Variants in PCNX2 observed in about 807,000 individuals in gnomAD.
The protein encoded by PCNX2 is pecanex-like protein 2.
PCNX2 carries 168 observed loss-of-function variants against 223.8 expected under a neutral mutation model. The observed-to-expected ratio is 0.75, with a 90% CI of 0.66 to 0.85. The LOEUF (loss-of-function observed/expected upper bound fraction) is 0.85, where lower values mean the gene tolerates loss of function less well. Ranked by LOEUF, PCNX2 falls within the 40% of genes least tolerant of loss-of-function variation. PCNX2 has a pLI of 0.00. For missense variants in PCNX2, 2,507 were observed against 2,675.5 expected, an observed-to-expected ratio of 0.94 and a Z score of 1.39; for synonymous variants, 1,006 against 1,052.6, an observed-to-expected ratio of 0.96 and a Z score of 0.86.
intron 1 of PCNX2, among the ~76,000 whole-genome samples, chr1:233,275,264 G>A (rs892746938): frequency 6.6e-6 from 1 of 151,628 alleles, no homozygotes; most frequent in Non-Finnish European, 1.5e-5. Flanking sequence ...AGTGCGTGGT[G>A]AGATCTCGGC....
intron 25 of PCNX2, among the ~76,000 whole-genome samples, chr1:233,029,335 C>G (rs1196717499): frequency 6.6e-6 from 1 of 152,142 alleles, no homozygotes; most frequent in Non-Finnish European, 1.5e-5. Flanking sequence ...TATTTATCCT[C>G]TCATGTTATT....
intron 28 of PCNX2, among the ~76,000 whole-genome samples, chr1:233,006,313 G>A (rs1197613466): frequency 1.3e-5 from 2 of 152,208 alleles, no homozygotes; most frequent in African/African-American, 4.8e-5. Flanking sequence ...CCCATCACTT[G>A]CTGTCCTTCT....
chr1:233,116,739 GC>G (rs1392227167), intron 21 of PCNX2, among the ~76,000 whole-genome samples: 2 of 151,628 alleles, frequency 1.3e-5, no homozygotes, highest in Non-Finnish European at 2.9e-5. Flanking sequence ...CACCTCAAGA[GC>G]CCCCCCAAAA....
At chr1:233,138,937 G>A (rs1268566125) in intron 20 of PCNX2, among the ~76,000 whole-genome samples, 1 of 152,188 alleles carries the variant, frequency 6.6e-6, no homozygotes, top group East Asian at 1.9e-4. Context: ...CACCCTGAAA[G>A]GAAGAGCAGG....
intron 19 of PCNX2, among the ~76,000 whole-genome samples, chr1:233,159,180 G>A (rs1036272836): frequency 7.9e-5 from 12 of 152,174 alleles, no homozygotes; most frequent in South Asian, 4.2e-4. Context: ...GCAGCCCGAC[G>A]AGGCCATCTT....
the PCNX2 span, among the ~76,000 whole-genome samples, chr1:233,303,300 G>C: frequency 5.9e-5 from 9 of 152,272 alleles, no homozygotes; most frequent in Non-Finnish European, 1.2e-4. Flanking sequence ...GATTGTTTGA[G>C]CTCAGGAGTT....
At chr1:233,012,767 G>T (rs3753423) in intron 28 of PCNX2, among the ~76,000 whole-genome samples, 26,593 of 152,130 alleles carry the variant, frequency 0.17, 3,006 homozygotes, top group African/African-American at 0.32. Context: ...GACTGAAAAA[G>T]CTTTTGAAAA....
chr1:233,211,482 T>C (rs995369668), intron 12 of PCNX2, among the ~76,000 whole-genome samples: 1 of 152,166 alleles, frequency 6.6e-6, no homozygotes, highest in African/African-American at 2.4e-5. Context: ...CAGCTAATGT[T>C]TGTCTGGCCT....
rs144741080 is a variant in PCNX2 at position 233,222,918 on chromosome 1, T to C, written c.2504+4308A>G. Reference sequence around the variant, plus strand: ...TCAATTTGGTAGTTAGATATGCAAGTCTGGAATTCAGGAGATGAGTCCAAG... The same window carrying C: ...TCAATTTGGTAGTTAGATATGCAAGCCTGGAATTCAGGAGATGAGTCCAAG... On this transcript the variant is annotated intron_variant, in intron 10 of 33. Coordinates refer to ENST00000258229, the MANE Select transcript of PCNX2 (RefSeq NM_014801.4). Among the ~76,000 whole-genome samples, 6 of 152,252 alleles carry C rather than the reference T, an allele frequency of 3.9e-5. No homozygotes were observed. In the East Asian group the frequency reaches 1.2e-3, roughly 29 times the overall value.
chr1:233,201,780 CA>C (rs1204077684), intron 13 of PCNX2: 1 of 153,044 alleles, frequency 6.5e-6, no homozygotes, highest in Non-Finnish European at 1.5e-5. Context: ...TTTGGTAAAT[CA>C]AGGATAAAGA....
In PCNX2 at chr1:233,252,710, G is replaced by T; in HGVS notation, c.1913C>A (p.Pro638Gln). ...AGTATGGTCTTGACTTTGCAAATCT[G>T]GTTTTCCTTGCTTAGAACTGTGTCC... The part of the protein sequence containing the change: ...PSGHSSKQGK[P>Q]DLQSQDHTST... Residue 638 changes from proline (P) to glutamine (Q), a missense_variant, in exon 6 of 34, where the codon CCA (proline) becomes CAA (glutamine). Coordinates refer to ENST00000258229, the MANE Select transcript of PCNX2 (RefSeq NM_014801.4). 6.2e-7 allele frequency: 1 copy of T among 1,613,778 alleles called. No individual in the cohort carries two copies. The highest frequency in any genetic ancestry group is 8.5e-7 in the Non-Finnish European group (1 of 1,179,826).
chr1:233,032,183 A>G, intron 25 of PCNX2: 1 of 540,818 alleles, frequency 1.8e-6, no homozygotes, highest in Non-Finnish European at 2.4e-6. Context: ...GCTTACCACA[A>G]CCTCCGCCTC....
chr1:233,178,962 C>T, intron 16 of PCNX2, 104 bp downstream of exon 16: 1 of 956,656 alleles, frequency 1.0e-6, no homozygotes, highest in Non-Finnish European at 1.6e-6. Context: ...AGTCAAATCA[C>T]AATGGGCAGT....
chr1:232,985,906 T>C (rs931915426), intron 33 of PCNX2, 186 bp downstream of exon 33: 1 of 676,304 alleles, frequency 1.5e-6, no homozygotes, highest in South Asian at 1.8e-5. Context: ...GTATCTTGTC[T>C]GCTTTCAAGA....
chr1:233,228,124 T>A (rs1349165049), intron 9 of PCNX2, among the ~76,000 whole-genome samples: 1 of 152,168 alleles, frequency 6.6e-6, no homozygotes, highest in Non-Finnish European at 1.5e-5. Flanking sequence ...GTTTAGTTAA[T>A]CCTAACAGTG....
chr1:233,061,482 G>A (rs974676573), intron 23 of PCNX2, among the ~76,000 whole-genome samples: 8 of 152,138 alleles, frequency 5.3e-5, no homozygotes, highest in African/African-American at 1.7e-4. Flanking sequence ...TCGGATCAGC[G>A]CCTTCAGGTG....
chr1:233,161,958 T>TA (rs1553303703), intron 17 of PCNX2, among the ~76,000 whole-genome samples: 1 of 144,864 alleles, frequency 6.9e-6, no homozygotes, highest in Non-Finnish European at 1.5e-5. Flanking sequence ...CAAAATTATT[T>TA]TTTATATATA....
chr1:233,145,705 C>T (rs752646723), intron 19 of PCNX2, among the ~76,000 whole-genome samples: 2 of 152,092 alleles, frequency 1.3e-5, no homozygotes, highest in African/African-American at 4.8e-5. Flanking sequence ...GGAGGATTTA[C>T]CACTGACAGT....
chr1:232,985,859 C>G, intron 33 of PCNX2: 1 of 614,144 alleles, frequency 1.6e-6, no homozygotes, highest in Non-Finnish European at 2.9e-6. Flanking sequence ...CCTTTCAGTG[C>G]CTGCCTGGGC....
Sources: allele counts gnomAD v4.1 joint callset (sites outside exome capture counted in the v4.1 genomes callset), GRCh38; gene constraint gnomAD v4.1.1; transcripts MANE v1.5; gene names NCBI Gene and HGNC (gene_info 2026-07-23, HGNC 2026-07-21).